Variants in ZRANB3 observed in about 807,000 individuals in gnomAD.
ZRANB3 encodes DNA annealing helicase and endonuclease ZRANB3.
ZRANB3 carries 125 observed loss-of-function variants against 133.8 expected under a neutral mutation model. The observed-to-expected ratio is 0.93, with a 90% confidence interval of 0.81 to 1.08. The LOEUF (loss-of-function observed/expected upper bound fraction) is 1.08, where lower values mean the gene tolerates loss of function less well. ZRANB3 is among the 50% of genes least tolerant of loss of function. The pLI, the probability that ZRANB3 is intolerant of heterozygous loss-of-function variation, is 0.00. For synonymous variants in ZRANB3, 387 were observed against 432.7 expected (o/e 0.89, Z 1.31); for missense variants, 1,229 against 1,275.5 (o/e 0.96, Z 0.56).
intron 2 of ZRANB3, among the ~76,000 whole-genome samples, chr2:135,401,334 C>T (rs915586491): frequency 6.6e-6 from 1 of 152,166 alleles, no homozygotes; most frequent in African/African-American, 2.4e-5. Flanking sequence ...ATTTCAATAA[C>T]ACCCCAAAGT....
intron 2 of ZRANB3, among the ~76,000 whole-genome samples, chr2:135,458,668 A>T (rs1690633133): frequency 6.6e-6 from 1 of 152,112 alleles, no homozygotes; most frequent in Non-Finnish European, 1.5e-5. Context: ...CAGTCCCTAG[A>T]TCTAAGTCGG....
At chr2:135,323,004 C>G (rs1483415520) in intron 6 of ZRANB3, among the ~76,000 whole-genome samples, 1 of 149,156 alleles carries the variant, frequency 6.7e-6, no homozygotes, top group Non-Finnish European at 1.5e-5. Context: ...GCAACAAACT[C>G]TGTCTCAAAA....
At chr2:135,426,516 G>C (rs1276012873) in intron 2 of ZRANB3, among the ~76,000 whole-genome samples, 1 of 151,964 alleles carries the variant, frequency 6.6e-6, no homozygotes, top group East Asian at 1.9e-4. Flanking sequence ...CTTTATCCTT[G>C]GGATGCAAGA....
chr2:135,365,052 A>T (rs10166868), intron 3 of ZRANB3, among the ~76,000 whole-genome samples: 40,101 of 151,594 alleles, frequency 0.26, 8,851 homozygotes, highest in African/African-American at 0.59. Context: ...CTCAAAAAAA[A>T]AAATAAATAA....
chr2:135,500,566 C>T (rs1221632010), intron 2 of ZRANB3, among the ~76,000 whole-genome samples: 4 of 151,706 alleles, frequency 2.6e-5, no homozygotes, highest in Admixed American at 6.6e-5. Context: ...CAATCTATAA[C>T]GTTAGAAGTC....
intron 6 of ZRANB3, among the ~76,000 whole-genome samples, chr2:135,324,341 T>C (rs1003671593): frequency 3.9e-5 from 6 of 151,990 alleles, no homozygotes; most frequent in African/African-American, 1.4e-4. Context: ...GTTTGGTTTT[T>C]TGTTCTTGTG....
At chr2:135,264,530 C>A (rs1292803206) in intron 12 of ZRANB3, among the ~76,000 whole-genome samples, 1 of 150,510 alleles carries the variant, frequency 6.6e-6, no homozygotes, top group African/African-American at 2.4e-5. Context: ...GTGATTCATG[C>A]AAATATCATT....
chr2:135,303,529 T>C (rs1015756310), intron 8 of ZRANB3, among the ~76,000 whole-genome samples: 7 of 152,174 alleles, frequency 4.6e-5, no homozygotes, highest in Non-Finnish European at 8.8e-5. Context: ...TGACAATCTA[T>C]GTGAGGTTCT....
chr2:135,252,523 T>C (rs748509354), intron 12 of ZRANB3, among the ~76,000 whole-genome samples: 3 of 152,114 alleles, frequency 2.0e-5, no homozygotes, highest in African/African-American at 7.2e-5. Context: ...ACTCAGGGGG[T>C]TAAATTAATC....
At chr2:135,405,480 T>G (rs1404025162) in intron 2 of ZRANB3, among the ~76,000 whole-genome samples, 2 of 152,132 alleles carry the variant, frequency 1.3e-5, no homozygotes, top group Non-Finnish European at 2.9e-5. Flanking sequence ...CTAATAGACA[T>G]CTACAGAACT....
intron 2 of ZRANB3, among the ~76,000 whole-genome samples, chr2:135,442,907 G>A (rs1379236066): frequency 6.6e-6 from 1 of 152,062 alleles, no homozygotes; most frequent in Non-Finnish European, 1.5e-5. Context: ...ACAAGGTCAG[G>A]AAGTCGAGAC....
chr2:135,342,901 A>G (rs1439883861), intron 6 of ZRANB3, among the ~76,000 whole-genome samples: 1 of 147,060 alleles, frequency 6.8e-6, no homozygotes, highest in Non-Finnish European at 1.5e-5. Context: ...ATGGTAGCTC[A>G]CACCTGTAAT....
At chr2:135,392,618 G>A (rs1054703849) in intron 2 of ZRANB3, among the ~76,000 whole-genome samples, 7 of 151,820 alleles carry the variant, frequency 4.6e-5, no homozygotes, top group South Asian at 2.1e-4. Context: ...GTGTGATGAC[G>A]CACCCCTGTA....
intron 14 of ZRANB3, among the ~76,000 whole-genome samples, chr2:135,227,151 G>A (rs11893424): frequency 0.062 from 9,363 of 152,220 alleles, 576 homozygotes; most frequent in African/African-American, 0.16. Context: ...CACTAAATGA[G>A]TAACAAGGAA....
At chr2:135,333,891 T>A (rs1684262729) in intron 6 of ZRANB3, among the ~76,000 whole-genome samples, 1 of 152,214 alleles carries the variant, frequency 6.6e-6, no homozygotes, top group African/African-American at 2.4e-5. Flanking sequence ...TTAAAAATAC[T>A]TAAATGGTAA....
chr2:135,203,512 C>T (rs754721496), intron 19 of ZRANB3, among the ~76,000 whole-genome samples: 5 of 145,484 alleles, frequency 3.4e-5, no homozygotes, highest in African/African-American at 7.7e-5. Context: ...CCAGCTACTG[C>T]GGAGGCTGAG....
intron 2 of ZRANB3, among the ~76,000 whole-genome samples, chr2:135,422,944 A>G (rs953012935): frequency 7.9e-5 from 12 of 152,192 alleles, no homozygotes; most frequent in African/African-American, 2.9e-4. Context: ...ACAGTTCTGG[A>G]GGCTAGAAAT....
chr2:135,417,811 G>A (rs1174982865), intron 2 of ZRANB3, among the ~76,000 whole-genome samples: 1 of 152,112 alleles, frequency 6.6e-6, no homozygotes, highest in East Asian at 1.9e-4. Context: ...GTCCTTTGTA[G>A]GGACTGGATG....
At chr2:135,206,383 T>C (rs1040778071) in intron 19 of ZRANB3, among the ~76,000 whole-genome samples, 1 of 151,778 alleles carries the variant, frequency 6.6e-6, no homozygotes, top group African/African-American at 2.4e-5. Context: ...GGATTACAGG[T>C]GCTTGCCACC....
Sources: gnomAD v4.1 joint callset for allele counts (sites outside exome capture counted in the v4.1 genomes callset) on GRCh38, gnomAD v4.1.1 for gene constraint, MANE v1.5 for transcripts, NCBI Gene and HGNC (gene_info 2026-07-23, HGNC 2026-07-21) for gene names.